The following SCN7A variants were observed in gnomAD, a reference collection of about 807,000 sequenced individuals.
The protein encoded by SCN7A is sodium channel protein type 7 subunit alpha.
A neutral mutation model predicts 155.2 loss-of-function variants in SCN7A; 138 were observed. That is an observed-to-expected ratio of 0.89 (90% CI 0.77 to 1.02). SCN7A has a LOEUF of 1.02. Among genes scored for constraint, SCN7A ranks in the 50% least tolerant of loss-of-function variants. The pLI is 0.00. For synonymous variants in SCN7A, 693 were observed against 649.0 expected, an observed-to-expected ratio of 1.07 and a Z score of -1.03; for missense variants, 2,058 against 1,986.6, an observed-to-expected ratio of 1.04 and a Z score of -0.68.
At position 166,406,579 on chromosome 2, in the gene SCN7A, G is replaced by C. The variant is rs747170894; in HGVS notation, c.4050C>G (p.Leu1350=). The change falls in exon 26 of 26, where the codon CTC becomes CTG. Residue 1350 remains leucine (L), a synonymous_variant. Transcript: ENST00000643258. ...GACGCAGCATGTGAATGATCCGTGA[G>C]AGAAGTATCAGTTGCACAAGTGAAG... ...VPPSLVQLIL[L]SRIIHMLRLG... 1 of 1,612,624 alleles carries C rather than the reference G, an allele frequency of 6.2e-7. No homozygotes were observed.
intron 10 of SCN7A, among the ~76,000 whole-genome samples, chr2:166,457,306 A>G (rs1280079694): frequency 6.6e-6 from 1 of 152,254 alleles, no homozygotes; most frequent in Non-Finnish European, 1.5e-5. Context: ...ACCAAGGGAA[A>G]ATTAGTAATT....
chr2:166,485,533 G>C (rs746470793), intron 2 of SCN7A, among the ~76,000 whole-genome samples: 5 of 152,080 alleles, frequency 3.3e-5, no homozygotes, highest in Non-Finnish European at 7.4e-5. Context: ...AAAAGGACAC[G>C]AATCACTGGG....
chr2:166,422,141 A>T (rs188459810), intron 19 of SCN7A, among the ~76,000 whole-genome samples: 33 of 152,216 alleles, frequency 2.2e-4, no homozygotes, highest in Non-Finnish European at 4.1e-4. Flanking sequence ...CTTAGGAAAG[A>T]GAGGTCAGCT....
chr2:166,486,205 C>A (rs372645019), intron 2 of SCN7A, among the ~76,000 whole-genome samples: 1 of 152,168 alleles, frequency 6.6e-6, no homozygotes, highest in Admixed American at 6.5e-5. Context: ...TAGACTTAAT[C>A]TGTAGATTTC....
At chr2:166,453,392 T>C (rs1339947022) in intron 11 of SCN7A, among the ~76,000 whole-genome samples, 1 of 152,230 alleles carries the variant, frequency 6.6e-6, no homozygotes, top group African/African-American at 2.4e-5. Context: ...GTGTTCTTAA[T>C]ATAGATTGCT....
At chr2:166,435,910 T>A (rs541318453) in intron 15 of SCN7A, among the ~76,000 whole-genome samples, 1 of 152,264 alleles carries the variant, frequency 6.6e-6, no homozygotes, top group African/African-American at 2.4e-5. Flanking sequence ...AAATTAAAAT[T>A]TGCTAACTAA....
At chr2:166,465,347 A>T (rs1702505276) in intron 9 of SCN7A, 115 bp downstream of exon 9, 2 of 754,372 alleles carry the variant, frequency 2.7e-6, no homozygotes, top group East Asian at 5.4e-5. Flanking sequence ...TATGGTTTTG[A>T]TGATGAAATG....
At chr2:166,473,245 G>C (rs1455295927) in intron 5 of SCN7A, among the ~76,000 whole-genome samples, 2 of 151,428 alleles carry the variant, frequency 1.3e-5, no homozygotes, top group Non-Finnish European at 3.0e-5. Context: ...ACATTATGTA[G>C]GTAAATGACA....
intron 12 of SCN7A, among the ~76,000 whole-genome samples, chr2:166,446,196 A>G (rs1702059173): frequency 6.6e-6 from 1 of 152,148 alleles, no homozygotes; most frequent in Non-Finnish European, 1.5e-5. Flanking sequence ...AACCCCATCA[A>G]AAAGTGGGCG....
At chr2:166,414,178 A>C (rs1575003473) in intron 21 of SCN7A, among the ~76,000 whole-genome samples, 1 of 53,758 alleles carries the variant, frequency 1.9e-5, no homozygotes, top group East Asian at 3.5e-4. Flanking sequence ...TATATATGTA[A>C]ATATATATAA....
intron 12 of SCN7A, among the ~76,000 whole-genome samples, chr2:166,447,244 T>C (rs1488414455): frequency 6.6e-6 from 1 of 152,152 alleles, no homozygotes; most frequent in Non-Finnish European, 1.5e-5. Context: ...TACAAATTAA[T>C]GCCTTTTGAT....
chr2:166,415,752 T>C (rs769133433), intron 21 of SCN7A, among the ~76,000 whole-genome samples: 5 of 152,196 alleles, frequency 3.3e-5, no homozygotes, highest in Non-Finnish European at 7.3e-5. Flanking sequence ...TCAGGACCAC[T>C]GTGATAATTG....
At position 166,447,703 on chromosome 2, in the gene SCN7A, C is replaced by A; in HGVS notation, c.1296G>T (p.Lys432Asn). ...LQEGNETDEA[K>N]TIQIEMKKRS... ...TTTTCTTCATTTCTATTTGTATGGT[C>A]TTGGCCTGAAAAGGAATTTGATGGT... Residue 432 changes from lysine (K) to asparagine (N), a missense_variant, in exon 12 of 26, where the codon AAG (lysine) becomes AAT (asparagine). Coordinates refer to ENST00000643258, the MANE Select transcript of SCN7A (RefSeq NM_002976.4). 2 of 1,611,692 alleles carry A rather than the reference C, an allele frequency of 1.2e-6. No individual in the cohort carries two copies. Among genetic ancestry groups the A allele is most frequent in the Non-Finnish European group, 1.7e-6 (2 of 1,178,180 alleles).
At chr2:166,459,433 G>A (rs1210383212) in intron 10 of SCN7A, among the ~76,000 whole-genome samples, 1 of 152,030 alleles carries the variant, frequency 6.6e-6, no homozygotes, top group Admixed American at 6.6e-5. Flanking sequence ...TAGCTATACT[G>A]TAAACATAAT....
At chr2:166,449,905 G>A (rs182763827) in intron 11 of SCN7A, among the ~76,000 whole-genome samples, 1 of 152,208 alleles carries the variant, frequency 6.6e-6, no homozygotes, top group Admixed American at 6.5e-5. Flanking sequence ...AAGCAGTTTG[G>A]ATATTTCTCA....
chr2:166,473,334 C>T (rs1249399997), intron 5 of SCN7A, among the ~76,000 whole-genome samples: 1 of 151,728 alleles, frequency 6.6e-6, no homozygotes, highest in African/African-American at 2.4e-5. Flanking sequence ...TGTGTAAGAT[C>T]TAATTTTATT....
In SCN7A at chr2:166,436,340, A is replaced by G. The variant is rs555195150; in HGVS notation, c.2158-3588T>C. ...GATCTGATGGTTTTATAAGGGGCTT[A>G]CCCCACCTTCACTCTGCACTTCTCC... On this transcript the variant is annotated intron_variant, in intron 15 of 25. Coordinates refer to ENST00000643258, the MANE Select transcript of SCN7A (RefSeq NM_002976.4). 7.7e-5 allele frequency: 31 copies of G among 400,784 alleles called. No individual in the cohort carries two copies. In the East Asian group the frequency reaches 2.7e-3, roughly 35 times the overall value. 24.8% of individuals were successfully genotyped at this position (400,784 alleles called of 1,614,324 possible).
intron 15 of SCN7A, among the ~76,000 whole-genome samples, chr2:166,436,118 G>A (rs1285966177): frequency 2.6e-5 from 4 of 152,148 alleles, no homozygotes; most frequent in Non-Finnish European, 5.9e-5. Context: ...CAGGTTCAAA[G>A]AGGCTGCGTA....
intron 20 of SCN7A, among the ~76,000 whole-genome samples, chr2:166,420,472 G>T (rs1450093533): frequency 1.3e-5 from 2 of 151,896 alleles, no homozygotes; most frequent in Non-Finnish European, 2.9e-5. Flanking sequence ...GTATACAATG[G>T]GTCACTGTAT....
Sources: gnomAD v4.1 joint callset for allele counts (sites outside exome capture counted in the v4.1 genomes callset) on GRCh38, gnomAD v4.1.1 for gene constraint, MANE v1.5 for transcripts, NCBI Gene and HGNC (gene_info 2026-07-23, HGNC 2026-07-21) for gene names.